Variants in CFAP61 observed in about 807,000 individuals in gnomAD.
CFAP61 encodes the protein cilia- and flagella-associated protein 61.
CFAP61 carries 107 observed loss-of-function variants against 135.6 expected under a neutral mutation model. The ratio of observed to expected loss-of-function variants is 0.79; its 90% CI spans 0.67 to 0.93. The LOEUF (loss-of-function observed/expected upper bound fraction) is 0.93. Ranked by LOEUF, CFAP61 falls within the 40% of genes least tolerant of loss-of-function variation. The pLI, the probability that CFAP61 is intolerant of heterozygous loss-of-function variation, is 0.00. For missense variants in CFAP61, 1,507 were observed against 1,556.2 expected (o/e 0.97, Z 0.53); for synonymous variants, 575 against 578.5 (o/e 0.99, Z 0.09).
Position 20,277,225 on chromosome 20 carries a change from A to C in CFAP61, c.2563A>C (p.Asn855His), listed in dbSNP as rs199710061. 38 of 1,613,902 alleles carry C rather than the reference A, an allele frequency of 2.4e-5. No individual in the cohort carries two copies. In the East Asian group the frequency reaches 8.5e-4, roughly 36 times the overall value. Residue 855 changes from asparagine to histidine, a missense_variant, in exon 22 of 27, where the codon AAC becomes CAC. Coordinates refer to ENST00000245957, the MANE Select transcript of CFAP61 (RefSeq NM_015585.4). ...TTACACCACCGTGGAGACGCTCTTA[A>C]ACCTTGGCGTGAGCGGCAGCCGCAT... ...DTYTTVETLLNLGVSGSRIHL... is the reference protein window; with the variant it reads ...DTYTTVETLLHLGVSGSRIHL...
rs149370014 is a variant in CFAP61 at position 20,243,086 on chromosome 20, C to G, written c.2061-3031C>G. Reference sequence around the variant, plus strand: ...TTAATGGACTTACAGTTCCACATGGCTGGGGAGGCCTCACAATCATGGTGG... The same window carrying G: ...TTAATGGACTTACAGTTCCACATGGGTGGGGAGGCCTCACAATCATGGTGG... On this transcript the variant is annotated intron_variant, in intron 18 of 26. Coordinates refer to ENST00000245957, the MANE Select transcript of CFAP61 (RefSeq NM_015585.4). Among the ~76,000 whole-genome samples the G allele has an allele frequency of 2.8e-3, 419 of 152,298 alleles. 1 individual carries two copies. The highest frequency in any genetic ancestry group is 9.6e-3 in the African/African-American group (400 of 41,580).
chr20:20,279,316 C>T (rs1462119339), intron 22 of CFAP61, among the ~76,000 whole-genome samples: 2 of 152,114 alleles, frequency 1.3e-5, no homozygotes, highest in African/African-American at 4.8e-5. Flanking sequence ...AAAAACTTAG[C>T]TACTAAAAGC....
intron 8 of CFAP61, among the ~76,000 whole-genome samples, chr20:20,138,799 A>G (rs1015698765): frequency 6.6e-6 from 1 of 152,208 alleles, no homozygotes; most frequent in Non-Finnish European, 1.5e-5. Flanking sequence ...TTCCTCTAGC[A>G]CTATTTATTG....
intron 22 of CFAP61, among the ~76,000 whole-genome samples, chr20:20,278,087 C>T (rs1243935163): frequency 6.6e-6 from 1 of 152,174 alleles, no homozygotes; most frequent in Non-Finnish European, 1.5e-5. Flanking sequence ...TCATGGAGGT[C>T]AAAGATTTGA....
At chr20:20,072,578 G>T (rs1488838239) in intron 3 of CFAP61, among the ~76,000 whole-genome samples, 3 of 152,144 alleles carry the variant, frequency 2.0e-5, no homozygotes, top group Non-Finnish European at 1.5e-5. Context: ...TTGCATTAGG[G>T]TTATGATTTT....
chr20:20,296,335 C>G (rs2055566838), intron 24 of CFAP61, among the ~76,000 whole-genome samples: 4 of 118,966 alleles, frequency 3.4e-5, no homozygotes, highest in African/African-American at 1.4e-4. Flanking sequence ...TCCCTTCCTT[C>G]CTTCCTTGCT....
chr20:20,258,502 A>G (rs541566575), intron 20 of CFAP61: 2 of 152,310 alleles, frequency 1.3e-5, no homozygotes, highest in South Asian at 2.1e-4. Flanking sequence ...ATGCGCAGCC[A>G]GAGGAGTGAA....
At chr20:20,174,124 A>G (rs533743309) in intron 13 of CFAP61, among the ~76,000 whole-genome samples, 105 of 152,208 alleles carry the variant, frequency 6.9e-4, no homozygotes, top group African/African-American at 2.4e-3. Context: ...GGAGCACATG[A>G]TGTATACCTG....
intron 26 of CFAP61, among the ~76,000 whole-genome samples, chr20:20,347,932 C>CAAAAAAAAAAAA (rs139136148): frequency 2.7e-5 from 2 of 75,188 alleles, no homozygotes; most frequent in African/African-American, 5.0e-5. Context: ...GACGCCATCT[C>CAAAAAAAAAAAA]AAAAAAAAAA....
chr20:20,056,013 A>G, intron 1 of CFAP61: 1 of 1,606,222 alleles, frequency 6.2e-7, no homozygotes, highest in South Asian at 1.1e-5. Flanking sequence ...TGTTGCCGTC[A>G]TTAGAGATTC....
At chr20:20,082,943 A>G (rs1256222360) in intron 6 of CFAP61, among the ~76,000 whole-genome samples, 1 of 152,218 alleles carries the variant, frequency 6.6e-6, no homozygotes, top group East Asian at 1.9e-4. Context: ...AGATTCCTTA[A>G]AGAACTAAAA....
intron 8 of CFAP61, chr20:20,107,501 G>A (rs1378549289): frequency 6.6e-6 from 1 of 152,060 alleles, no homozygotes; most frequent in Non-Finnish European, 1.5e-5. Flanking sequence ...GATTATTCTA[G>A]AAAAGCTTAA....
intron 26 of CFAP61, among the ~76,000 whole-genome samples, chr20:20,357,204 G>A (rs2059242139): frequency 2.5e-5 from 2 of 81,174 alleles, no homozygotes; most frequent in Non-Finnish European, 5.7e-5. Flanking sequence ...TGAGTGAGGA[G>A]GTAGTCACAC....
In CFAP61 at chr20:20,277,399, G is replaced by A; in HGVS notation, c.2737G>A (p.Asp913Asn). 1 of 1,614,094 alleles carries A rather than the reference G, an allele frequency of 6.2e-7. No individual in the cohort carries two copies. The highest frequency in any genetic ancestry group is 1.1e-5 in the South Asian group (1 of 91,066). ...LAQWNDGLHP[D>N]PIYSASFTTP... The stretch of plus-strand genomic sequence containing the variant: ...CCAGTGGAATGACGGCCTGCACCCA[G>A]ACCCCATCTACAGCGCCTCCTTCAC... Residue 913 changes from aspartate to asparagine, a missense_variant, in exon 22 of 27, where the codon GAC (aspartate) becomes AAC (asparagine). By Grantham distance (23) the Asp-to-Asn change is conservative (BLOSUM62 1). Coordinates refer to ENST00000245957, the MANE Select transcript of CFAP61 (RefSeq NM_015585.4).
chr20:20,315,574 G>T (rs2057080799), intron 25 of CFAP61, among the ~76,000 whole-genome samples: 1 of 151,514 alleles, frequency 6.6e-6, no homozygotes, highest in Non-Finnish European at 1.5e-5. Context: ...GGCTTTTGTT[G>T]CCATTGCTTT....
At chr20:20,144,009 A>G (rs1568997180) in intron 9 of CFAP61, among the ~76,000 whole-genome samples, 1 of 152,238 alleles carries the variant, frequency 6.6e-6, no homozygotes, top group Admixed American at 6.5e-5. Flanking sequence ...GAGAGTACAC[A>G]AAAGAGTCTT....
chr20:20,174,828 G>A (rs2054486869), intron 13 of CFAP61, among the ~76,000 whole-genome samples: 1 of 152,162 alleles, frequency 6.6e-6, no homozygotes, highest in South Asian at 2.1e-4. Flanking sequence ...AATGCAGTTC[G>A]GAAATGTGAG....
chr20:20,203,160 C>T (rs775006007), intron 17 of CFAP61, among the ~76,000 whole-genome samples: 1 of 152,232 alleles, frequency 6.6e-6, no homozygotes, highest in Middle Eastern at 3.4e-3. Flanking sequence ...GACAGCCTAC[C>T]CCGCAGCAGG....
At chr20:20,123,020 A>C (rs766320236) in intron 8 of CFAP61, among the ~76,000 whole-genome samples, 3 of 151,798 alleles carry the variant, frequency 2.0e-5, no homozygotes, top group Non-Finnish European at 2.9e-5. Context: ...CCTGATCATT[A>C]GTGATGTTGA....
Sources: gnomAD v4.1 joint callset for allele counts (sites outside exome capture counted in the v4.1 genomes callset) on GRCh38, gnomAD v4.1.1 for gene constraint, MANE v1.5 for transcripts, NCBI Gene and HGNC (gene_info 2026-07-23, HGNC 2026-07-21) for gene names.